Variants in TBC1D20 observed in about 807,000 individuals in gnomAD.
The protein encoded by TBC1D20 is chromosome 20 open reading frame 140.
In TBC1D20, 12 loss-of-function variants were observed where a neutral mutation model predicts 41.6. The ratio of observed to expected loss-of-function variants is 0.29; its 90% confidence interval spans 0.18 to 0.47. TBC1D20 has a LOEUF of 0.47. Ranked by LOEUF, TBC1D20 falls within the 20% of genes least tolerant of loss-of-function variation. The pLI is 1.00. For synonymous variants in TBC1D20, 205 were observed against 204.8 expected, an observed-to-expected ratio of 1.00 and a Z score of -0.01; for missense variants, 421 against 517.4, an observed-to-expected ratio of 0.81 and a Z score of 1.81.
intron 1 of TBC1D20, among the ~76,000 whole-genome samples, chr20:458,894 C>A (rs1303718148): frequency 6.6e-6 from 1 of 152,124 alleles, no homozygotes; most frequent in Non-Finnish European, 1.5e-5. Context: ...ACGTGGATTT[C>A]GGCTGCTGTT....
chr20:449,363 G>A (rs1175615079), intron 1 of TBC1D20, among the ~76,000 whole-genome samples: 3 of 150,682 alleles, frequency 2.0e-5, no homozygotes, highest in Non-Finnish European at 2.9e-5. Context: ...TTGGGAGGCC[G>A]AAGTGGGCAG....
Position 438,559 on chromosome 20 carries a change from ATGTAAGAGGAAGG to A in TBC1D20, c.*14_*26del, listed in dbSNP as rs765811146. On this transcript the variant is annotated 3_prime_UTR_variant, in exon 8 of 8. Coordinates refer to ENST00000354200, the MANE Select transcript of TBC1D20 (RefSeq NM_144628.4). ...CATGGAAGGGTGAGACCTTAATGTGATGTAAGAGGAAGGTCTTCTCTGGCTTTCAGGGAAACAG... is the reference window on the plus strand; with the variant it reads ...CATGGAAGGGTGAGACCTTAATGTGATCTTCTCTGGCTTTCAGGGAAACAG... 5 of 1,611,052 alleles carry A rather than the reference ATGTAAGAGGAAGG, an allele frequency of 3.1e-6. No individual in the cohort carries two copies. The highest frequency in any genetic ancestry group is 4.2e-6 in the Non-Finnish European group (5 of 1,177,690).
In TBC1D20 at chr20:441,868, G is replaced by A; in HGVS notation, c.513C>T (p.Thr171=). Residue 171 remains threonine, a synonymous_variant, in exon 4 of 8, where the codon ACC becomes ACT. Transcript: ENST00000354200. ...LATSLVEKLS[T]HHLRDFMDPT... Reference sequence around the variant, plus strand: ...CTCTCTACTGGTACCTGAGGTGGTGGGTAGATAATTTTTCTACCAGGGATG... The same window carrying A: ...CTCTCTACTGGTACCTGAGGTGGTGAGTAGATAATTTTTCTACCAGGGATG... 1 of 1,613,788 alleles carries A rather than the reference G, an allele frequency of 6.2e-7. No individual in the cohort carries two copies. The highest frequency in any genetic ancestry group is 8.5e-7 in the Non-Finnish European group (1 of 1,179,812).
intron 3 of TBC1D20, among the ~76,000 whole-genome samples, 193 bp from the exon 4 acceptor site, chr20:442,236 G>A (rs1475009155): frequency 1.3e-5 from 2 of 152,232 alleles, no homozygotes; most frequent in Non-Finnish European, 2.9e-5. Flanking sequence ...TCCAGTAGGG[G>A]AAGCTGCAGA....
chr20:458,461 G>A (rs157795), intron 1 of TBC1D20, among the ~76,000 whole-genome samples: 66,465 of 151,324 alleles, frequency 0.44, 15,739 homozygotes, highest in East Asian at 0.75. Flanking sequence ...CCACAGACAA[G>A]CTCCACTGGC....
rs1260811753 is a variant in TBC1D20, at chr20:436,203, T to C, written c.*2383A>G. The C allele has an allele frequency of 6.6e-6, 1 of 152,216 alleles. No individual in the cohort carries two copies. The highest frequency in any genetic ancestry group is 1.5e-5 in the Non-Finnish European group (1 of 68,046). 9.4% of individuals were successfully genotyped at this position (152,216 alleles called of 1,614,324 possible). ...ACAGACCATGGCACAGTTCTGGGCC[T>C]GACATGGAAGGTGGGAGCATCCAGA... On this transcript the variant is annotated 3_prime_UTR_variant, in exon 8 of 8. Transcript: ENST00000354200.
At position 445,146 on chromosome 20, in the gene TBC1D20, G is replaced by C. The variant is rs769555219; in HGVS notation, c.257-16C>G. The C allele has an allele frequency of 4.5e-6, 7 of 1,571,934 alleles. No individual in the cohort carries two copies. The highest frequency in any genetic ancestry group is 5.2e-6 in the Non-Finnish European group (6 of 1,152,776). ...AGGTTCTTCCCTATTGAAGGAAAAG[G>C]CACGTTATTGCAGGAATGCCTGAGA... On this transcript the variant is annotated splice_polypyrimidine_tract_variant and intron_variant, in intron 2 of 7. Coordinates refer to ENST00000354200, the MANE Select transcript of TBC1D20 (RefSeq NM_144628.4).
intron 1 of TBC1D20, among the ~76,000 whole-genome samples, chr20:452,799 C>T (rs1324440208): frequency 6.6e-6 from 1 of 152,136 alleles, no homozygotes; most frequent in African/African-American, 2.4e-5. Context: ...AGCATCTTCC[C>T]CAGCAATGTT....
chr20:448,026 A>C lies in TBC1D20; in HGVS notation c.119T>G (p.Leu40Arg). Residue 40 changes from leucine (L) to arginine (R), a missense_variant, in exon 2 of 8, where the codon CTG becomes CGG. Around this residue, in one of 3 missense-constraint regions of TBC1D20, gnomAD observed 150 missense variants for 151.3 expected, o/e 0.99. Coordinates refer to ENST00000354200, the MANE Select transcript of TBC1D20 (RefSeq NM_144628.4). ...KKKVAEIHQA[L>R]NSDPTDVAAL... ...AGCCACATCAGTGGGATCACTGTTC[A>C]GAGCCTGGTGTATCTCTGCCACTTT... 6.2e-7 allele frequency: 1 copy of C among 1,614,158 alleles called. No individual in the cohort carries two copies. Among genetic ancestry groups the C allele is most frequent in the Non-Finnish European group, 8.5e-7 (1 of 1,179,972 alleles).
chr20:442,343 C>G (rs535533669), intron 3 of TBC1D20, among the ~76,000 whole-genome samples: 1 of 152,166 alleles, frequency 6.6e-6, no homozygotes, highest in Non-Finnish European at 1.5e-5. Context: ...CTCTGCCTCC[C>G]GAGGTGATGC....
chr20:459,526 G>T (rs1249126424), intron 1 of TBC1D20, among the ~76,000 whole-genome samples: 1 of 152,198 alleles, frequency 6.6e-6, no homozygotes, highest in African/African-American at 2.4e-5. Context: ...CCGTCCTACA[G>T]CTGGCTGCAA....
chr20:460,792 A>C (rs1276589525), intron 1 of TBC1D20, among the ~76,000 whole-genome samples: 2 of 152,184 alleles, frequency 1.3e-5, no homozygotes, highest in African/African-American at 4.8e-5. Context: ...TAACAAAAAC[A>C]AAAAACCTCA....
intron 2 of TBC1D20, among the ~76,000 whole-genome samples, chr20:446,972 C>T (rs768421365): frequency 6.6e-5 from 7 of 105,726 alleles, no homozygotes; most frequent in South Asian, 3.1e-4. Context: ...TTTTTTGAGA[C>T]GGAGTCTCAC....
At chr20:461,211 T>C (rs2017623307) in intron 1 of TBC1D20, among the ~76,000 whole-genome samples, 1 of 152,218 alleles carries the variant, frequency 6.6e-6, no homozygotes. Flanking sequence ...AAAGATTATT[T>C]AACTTGGTTC....
intron 1 of TBC1D20, among the ~76,000 whole-genome samples, chr20:449,513 TG>T (rs1441388047): frequency 2.6e-4 from 2 of 7,754 alleles, no homozygotes; most frequent in East Asian, 0.05. Flanking sequence ...GAGAGTCGCT[TG>T]AAACCCAGGA....
intron 2 of TBC1D20, among the ~76,000 whole-genome samples, chr20:446,824 G>T (rs746714196): frequency 1.1e-4 from 17 of 151,318 alleles, no homozygotes; most frequent in Non-Finnish European, 2.4e-4. Context: ...TAGAGACAGG[G>T]TTTCGCAATG....
At chr20:441,533 T>C in intron 5 of TBC1D20, 55 bp downstream of exon 5, 1 of 1,422,258 alleles carries the variant, frequency 7.0e-7, no homozygotes, top group Non-Finnish European at 9.9e-7. Flanking sequence ...GTTTCAGGTG[T>C]GGGGGGGTGT....
chr20:456,850 G>A (rs1392570230), intron 1 of TBC1D20, among the ~76,000 whole-genome samples: 1 of 151,808 alleles, frequency 6.6e-6, no homozygotes, highest in Non-Finnish European at 1.5e-5. Flanking sequence ...ACAGGAGTGA[G>A]CCACCACACC....
In TBC1D20 at chr20:445,238, C is replaced by T. The variant is rs141193626; in HGVS notation, c.257-108G>A. The T allele has an allele frequency of 1.4e-4, 105 of 762,316 alleles. No homozygotes were observed. In the African/African-American group the frequency reaches 1.7e-3, roughly 12 times the overall value. The allele number at this position is 762,316 out of a possible 1,614,324, so 47.2% of individuals were successfully genotyped here. ...CCTAGAGGGCACATGTCAGCTTCTC[C>T]TGAAGAGGATGATATGACTCAAGAT... On this transcript the variant is annotated intron_variant, in intron 2 of 7. Coordinates refer to ENST00000354200, the MANE Select transcript of TBC1D20 (RefSeq NM_144628.4).
Sources: gnomAD v4.1 joint callset for allele counts (sites outside exome capture counted in the v4.1 genomes callset) on GRCh38, gnomAD v4.1.1 for gene constraint, gnomAD v4.1.1 regional missense constraint, MANE v1.5 for transcripts, NCBI Gene and HGNC (gene_info 2026-07-23, HGNC 2026-07-21) for gene names.